MTMR11: variants seen among roughly 807,000 people sequenced by gnomAD.
The protein encoded by MTMR11 is myotubularin related protein 11, also known as myotubularin-related protein 11.
A neutral mutation model predicts 100.0 loss-of-function variants in MTMR11; 89 were observed. That is an observed-to-expected ratio of 0.89 (90% CI 0.75 to 1.06). MTMR11 has a LOEUF of 1.06. MTMR11 is among the 50% of genes least tolerant of loss of function. MTMR11 has a pLI of 0.00. For synonymous variants in MTMR11, 336 were observed against 326.3 expected, an observed-to-expected ratio of 1.03 and a Z score of -0.32; for missense variants, 809 against 873.7, an observed-to-expected ratio of 0.93 and a Z score of 0.93.
chr1:149,932,042 G>A (rs1553767779), intron 11 of MTMR11, 28 bp from the exon 12 acceptor site: 1 of 1,589,718 alleles, frequency 6.3e-7, no homozygotes, highest in Admixed American at 1.7e-5. Flanking sequence ...GAAGAGGGAG[G>A]AAGAATGATA....
At chr1:149,930,015 T>G in intron 15 of MTMR11, 99 bp from the exon 16 acceptor site, 2 of 1,246,268 alleles carry the variant, frequency 1.6e-6, no homozygotes, top group South Asian at 3.0e-5. Flanking sequence ...ACCCACTCAC[T>G]GCACTGGTGA....
chr1:149,934,166 G>A, intron 7 of MTMR11, 25 bp downstream of exon 7: 1 of 1,613,476 alleles, frequency 6.2e-7, no homozygotes, highest in Non-Finnish European at 8.5e-7. Context: ...GAGAGCAGCA[G>A]GGTTGGGGTG....
intron 5 of MTMR11, 75 bp downstream of exon 5, chr1:149,934,911 A>G (rs1553768672): frequency 8.6e-6 from 13 of 1,520,206 alleles, no homozygotes; most frequent in Non-Finnish European, 1.1e-5. Flanking sequence ...GGGCTGGAGG[A>G]GTCTCAGAAA....
At chr1:149,934,407 CT>C in intron 6 of MTMR11, 40 bp downstream of exon 6, 1 of 1,613,654 alleles carries the variant, frequency 6.2e-7, no homozygotes, top group Non-Finnish European at 8.5e-7. Flanking sequence ...CCATCCTCTG[CT>C]TTTTCAGACT....
At chr1:149,934,927 A>G in intron 5 of MTMR11, 59 bp downstream of exon 5, 1 of 1,574,012 alleles carries the variant, frequency 6.4e-7, no homozygotes, top group South Asian at 1.2e-5. Flanking sequence ...AGAAATTGTC[A>G]GGGAGAGGAT....
chr1:149,931,319 A>C lies in MTMR11; in HGVS notation c.1231T>G (p.Trp411Gly). ...FGFQSLVQRE[W>G]VAAGHPFLTR... ...AGGAAGGGATGTCCAGCTGCCACCCACTCTCGCTGTACTAGTGATTGGAAG... is the reference window on the plus strand; with the variant it reads ...AGGAAGGGATGTCCAGCTGCCACCCCCTCTCGCTGTACTAGTGATTGGAAG... Residue 411 changes from tryptophan (W) to glycine (G), a missense_variant, in exon 13 of 17, where the codon TGG becomes GGG. Transcript: ENST00000439741. 5 of 1,613,598 alleles carry C rather than the reference A, an allele frequency of 3.1e-6. No homozygotes were observed. The highest frequency in any genetic ancestry group is 4.2e-6 in the Non-Finnish European group (5 of 1,179,938).
rs199923302 is a variant in MTMR11 at position 149,932,063 on chromosome 1, A to C, written c.1053-49T>G. ...GGAGGAAGAATGATAAGCCTAGGGG[A>C]ATGGAGTGATTTTGATGGGTCATGG... On this transcript the variant is annotated intron_variant, in intron 11 of 16. Coordinates refer to ENST00000439741, the MANE Select transcript of MTMR11 (RefSeq NM_001145862.2). The C allele has an allele frequency of 1.1e-5, 17 of 1,547,170 alleles. No homozygotes were observed. In the East Asian group the frequency reaches 3.8e-4, roughly 35 times the overall value.
chr1:149,929,836 A>G lies in MTMR11; in HGVS notation c.1728T>C (p.Cys576=), dbSNP rs782332232. The G allele has an allele frequency of 6.2e-6, 10 of 1,614,200 alleles. No homozygotes were observed. Among genetic ancestry groups the G allele is most frequent in the Admixed American group, 1.7e-5 (1 of 60,026 alleles). The change falls in exon 16 of 17, where the codon TGT becomes TGC. Residue 576 remains cysteine, a synonymous_variant. Transcript: ENST00000439741. ...GCAGGGAAGGACTGTCCCGCCAAGGACAGAGCTGATTCAGGGGGGTCAATG... is the reference window on the plus strand; with the variant it reads ...GCAGGGAAGGACTGTCCCGCCAAGGGCAGAGCTGATTCAGGGGGGTCAATG... ...RGALTPLNQL[C]PWRDSPSLLA... is the part of the protein sequence containing the mutation.
Position 149,929,239 on chromosome 1 carries a change from G to A in MTMR11, c.2020C>T (p.Pro674Ser). 1 of 1,614,132 alleles carries A rather than the reference G, an allele frequency of 6.2e-7. No individual in the cohort carries two copies. Among genetic ancestry groups the A allele is most frequent in the African/African-American group, 1.3e-5 (1 of 75,030 alleles). ...GAGTGATCCTCAGGAGATATTCTTG[G>A]TGTCCATTTCCGTAATAACTCCTGA... ...HLQELLRKWT[P>S]RISPEDHSKK... Residue 674 changes from proline (P) to serine (S), a missense_variant, in exon 17 of 17, where the codon CCA becomes TCA. Transcript: ENST00000439741.
intron 3 of MTMR11, 27 bp from the exon 4 acceptor site, chr1:149,935,386 C>T (rs1187573479): frequency 2.5e-6 from 4 of 1,611,646 alleles, no homozygotes; most frequent in East Asian, 4.5e-5. Context: ...ACTGGGTAGA[C>T]ATCTGAAATC....
chr1:149,933,927 G>A lies in MTMR11; in HGVS notation c.699C>T (p.Phe233=). The change falls in exon 8 of 17, where the codon TTC becomes TTT. Residue 233 remains phenylalanine, a synonymous_variant. Coordinates refer to ENST00000439741, the MANE Select transcript of MTMR11 (RefSeq NM_001145862.2). The stretch of plus-strand genomic sequence containing the variant: ...TGTCCAGAATTCGGTTAGGGACCCA[G>A]AAGTAACGGGGGAGGCTGTGAAATG... ...FDVATSLPRY[F]WVPNRILDSE... 6.2e-7 allele frequency: 1 copy of A among 1,614,134 alleles called. No individual in the cohort carries two copies. Among genetic ancestry groups the A allele is most frequent in the South Asian group, 1.1e-5 (1 of 91,090 alleles).
At chr1:149,930,604 A>C (rs1205085163) in intron 14 of MTMR11, 57 bp from the exon 15 acceptor site, 1 of 1,482,202 alleles carries the variant, frequency 6.7e-7, no homozygotes, top group African/African-American at 1.4e-5. Context: ...ACATCTAGAG[A>C]CAAATCATGA....
intron 7 of MTMR11, 66 bp from the exon 8 acceptor site, chr1:149,934,008 C>A: frequency 6.4e-7 from 1 of 1,554,988 alleles, no homozygotes; most frequent in Non-Finnish European, 8.9e-7. Flanking sequence ...GCTCTTATTA[C>A]AAGGAAGCTG....
At chr1:149,934,595 A>G in intron 5 of MTMR11, 69 bp from the exon 6 acceptor site, 2 of 1,456,008 alleles carry the variant, frequency 1.4e-6, no homozygotes, top group Non-Finnish European at 1.9e-6. Flanking sequence ...AATGGAGCCC[A>G]TGTGTTGCTC....
intron 1 of MTMR11, 29 bp downstream of exon 1, chr1:149,936,553 C>A: frequency 6.8e-7 from 1 of 1,466,624 alleles, no homozygotes; most frequent in Admixed American, 2.0e-5. Context: ...CACCCTCTTG[C>A]CGACACCCCC....
intron 5 of MTMR11, 31 bp from the exon 6 acceptor site, chr1:149,934,557 G>C (rs1553768604): frequency 6.2e-7 from 1 of 1,604,730 alleles, no homozygotes; most frequent in East Asian, 2.2e-5. Flanking sequence ...CATCCTTTTG[G>C]CTTAGGCTGA....
Position 149,929,212 on chromosome 1 carries a change from T to C in MTMR11, c.2047A>G (p.Lys683Glu). Residue 683 changes from lysine to glutamate, a missense_variant, in exon 17 of 17, where the codon AAG becomes GAG. Coordinates refer to ENST00000439741, the MANE Select transcript of MTMR11 (RefSeq NM_001145862.2). ...AGAATGGTATGTGGATCTCTTTTCT[T>C]GGAGTGATCCTCAGGAGATATTCTT... ...TPRISPEDHS[K>E]KRDPHTILNP... is the part of the protein sequence containing the mutation. The C allele has an allele frequency of 6.2e-7, 1 of 1,614,072 alleles. No homozygotes were observed. Among genetic ancestry groups the C allele is most frequent in the South Asian group, 1.1e-5 (1 of 91,064 alleles).
At position 149,935,436 on chromosome 1, in the gene MTMR11, G is replaced by A. The variant is rs2092710301; in HGVS notation, c.265-77C>T. 8 of 1,589,678 alleles carry A rather than the reference G, an allele frequency of 5.0e-6. No homozygotes were observed. The East Asian group carries it at 1.6e-4, about 31-fold the overall frequency. ...ACCCTGGCAGCCCCAACCCCTTCTA[G>A]GGGGCAACAACCCTAGAGAGAGTTC... On this transcript the variant is annotated intron_variant, in intron 3 of 16. Coordinates refer to ENST00000439741, the MANE Select transcript of MTMR11 (RefSeq NM_001145862.2).
chr1:149,935,462 C>T, intron 3 of MTMR11, 103 bp from the exon 4 acceptor site: 6 of 1,576,484 alleles, frequency 3.8e-6, no homozygotes, highest in Non-Finnish European at 5.2e-6. Context: ...GAGAGAGTTC[C>T]CACTGATTAT....
Sources: gnomAD v4.1 joint callset for allele counts on GRCh38, gnomAD v4.1.1 for gene constraint, MANE v1.5 for transcripts, NCBI Gene and HGNC (gene_info 2026-07-23, HGNC 2026-07-21) for gene names.